PIF1: variants seen among roughly 807,000 people sequenced by gnomAD.
PIF1 encodes PIF1 5'-to-3' DNA helicase, also known as ATP-dependent DNA helicase PIF1.
A neutral mutation model predicts 62.3 loss-of-function variants in PIF1; 67 were observed. That is an observed-to-expected ratio of 1.08 (90% CI 0.88 to 1.32). The LOEUF (loss-of-function observed/expected upper bound fraction) is 1.32. Among genes scored for constraint, PIF1 ranks in the 40% most tolerant of loss-of-function variants. PIF1 has a pLI of 0.00. For synonymous variants in PIF1, 364 were observed against 379.5 expected (o/e 0.96, Z 0.47); for missense variants, 886 against 866.1 (o/e 1.02, Z -0.29).
chr15:64,823,680 C>T, intron 2 of PIF1, 98 bp downstream of exon 2: 1 of 906,940 alleles, frequency 1.1e-6, no homozygotes, highest in Non-Finnish European at 1.5e-6. Context: ...TATCAAATAC[C>T]CACACCGGCT....
intron 10 of PIF1, 79 bp from the exon 11 acceptor site, chr15:64,818,170 C>T: frequency 6.2e-7 from 1 of 1,611,160 alleles, no homozygotes; most frequent in Non-Finnish European, 8.5e-7. Context: ...TTGGAGCTTT[C>T]CTTCCTAGTC....
chr15:64,816,945 C>T (rs1215264721), intron 11 of PIF1, among the ~76,000 whole-genome samples, 180 bp from the exon 12 acceptor site: 1 of 152,166 alleles, frequency 6.6e-6, no homozygotes, highest in Non-Finnish European at 1.5e-5. Context: ...GACCGGGAGA[C>T]AGATCCAGGT....
At chr15:64,822,684 G>A (rs2084308858) in intron 2 of PIF1, 74 bp from the exon 3 acceptor site, 27 of 1,586,330 alleles carry the variant, frequency 1.7e-5, no homozygotes, top group Non-Finnish European at 2.2e-5. Context: ...TGGCCCATGT[G>A]CAATGCTGGG....
Position 64,816,853 on chromosome 15 carries a change from C to T in PIF1, c.1675-88G>A, listed in dbSNP as rs977958222. ...TGACCCTTTACCAGCCCTGCTACTG[C>T]CCCTGGATCTCCTCGTCCAGTCCAG... On this transcript the variant is annotated intron_variant, in intron 11 of 12. Transcript: ENST00000559239. 5 of 1,240,674 alleles carry T rather than the reference C, an allele frequency of 4.0e-6. No individual in the cohort carries two copies. The South Asian group carries it at 7.9e-5, about 20-fold the overall frequency. 76.9% of individuals were successfully genotyped at this position (1,240,674 alleles called of 1,614,324 possible). A position where few individuals can be genotyped will look rare whatever the true frequency, so the allele number is the denominator to read the frequency against.
At chr15:64,826,878 C>T (rs530547143), upstream of PIF1, among the ~76,000 whole-genome samples, 3 of 151,296 alleles carry the variant, frequency 2.0e-5, no homozygotes, top group East Asian at 2.0e-4. Flanking sequence ...GGCATGAGCC[C>T]GGACCTTATT....
Position 64,822,248 on chromosome 15 carries a change from CT to C in PIF1, c.817+17del. 6.2e-7 allele frequency: 1 copy of C among 1,608,786 alleles called. No individual in the cohort carries two copies. Among genetic ancestry groups the C allele is most frequent in the Non-Finnish European group, 8.5e-7 (1 of 1,178,488 alleles). ...GCTGGGCTTGCTCTTAGCTCAAGCC[CT>C]AGGGGTTCCTACTTACCTGCAAAGG... On this transcript the variant is annotated intron_variant, in intron 4 of 12. Transcript: ENST00000559239.
At chr15:64,826,667 C>CAGAT (rs1315075229), upstream of PIF1, among the ~76,000 whole-genome samples, 11 of 66,568 alleles carry the variant, frequency 1.7e-4, no homozygotes, top group Non-Finnish European at 2.9e-4. Flanking sequence ...TATATATATA[C>CAGAT]ACACACACAC....
At chr15:64,820,912 C>G (rs1298223006) in intron 7 of PIF1, 70 bp downstream of exon 7, 4 of 1,366,692 alleles carry the variant, frequency 2.9e-6, no homozygotes, top group Non-Finnish European at 3.1e-6. Flanking sequence ...GTGAGTCCCT[C>G]TCTGTGTTCC....
At position 64,824,105 on chromosome 15, in the gene PIF1, G is replaced by T. The variant is rs184599780; in HGVS notation, c.231C>A (p.Phe77Leu). 1.6e-6 allele frequency: 2 copies of T among 1,268,930 alleles called. No individual in the cohort carries two copies. The highest frequency in any genetic ancestry group is 6.4e-5 in the East Asian group (2 of 31,312). 78.6% of individuals were successfully genotyped at this position (1,268,930 alleles called of 1,614,324 possible). Residue 77 changes from phenylalanine (F) to leucine (L), a missense_variant, in exon 2 of 13, where the codon TTC (phenylalanine) becomes TTA (leucine). By Grantham distance (22) the Phe-to-Leu change is conservative. Coordinates refer to ENST00000559239, the MANE Select transcript of PIF1 (RefSeq NM_001286496.2). ...TGCGCCCGGCCTCGGCGAAACGCGTGAAGAGGCGCGCGGCGCGCAGAGGAA... is the reference window on the plus strand; with the variant it reads ...TGCGCCCGGCCTCGGCGAAACGCGTTAAGAGGCGCGCGGCGCGCAGAGGAA... ...RCFPLRAARL[F>L]TRFAEAGRST...
Position 64,821,082 on chromosome 15 carries a change from T to C in PIF1, c.1093A>G (p.Ser365Gly). The C allele has an allele frequency of 6.2e-7, 1 of 1,613,402 alleles. No homozygotes were observed. Among genetic ancestry groups the C allele is most frequent in the Non-Finnish European group, 8.5e-7 (1 of 1,179,660 alleles). ...GTCACTGGCACACACCTCTTCCAGC[T>C]CTTGGACTGGTGGGGGCAGGGTGGG... The part of the protein sequence containing the change: ...QPPRFCFQSK[S>G]WKRCVPVTLE... Residue 365 changes from serine (S) to glycine (G), a missense_variant, in exon 7 of 13, where the codon AGC (serine) becomes GGC (glycine). Transcript: ENST00000559239.
At chr15:64,826,627 TA>T (rs2084370627), upstream of PIF1, among the ~76,000 whole-genome samples, 2 of 11,046 alleles carry the variant, frequency 1.8e-4, no homozygotes, top group South Asian at 2.5e-3. Context: ...AGCTAATTTA[TA>T]TATATATATA....
chr15:64,818,843 T>C, intron 9 of PIF1: 1 of 377,934 alleles, frequency 2.6e-6, no homozygotes, highest in Non-Finnish European at 4.7e-6. Context: ...AGGTATTTCA[T>C]TCCCCATTTT....
At chr15:64,816,805 T>C in intron 11 of PIF1, 40 bp from the exon 12 acceptor site, 3 of 1,532,506 alleles carry the variant, frequency 2.0e-6, no homozygotes, top group Non-Finnish European at 2.6e-6. Context: ...AGCTCAGCCT[T>C]AAGTCCCTTG....
intron 11 of PIF1, 92 bp downstream of exon 11, chr15:64,817,852 ACT>A (rs2084211774): frequency 1.4e-6 from 2 of 1,389,696 alleles, no homozygotes; most frequent in East Asian, 2.5e-5. Context: ...ACAGAGCAAG[ACT>A]CTGTCTCAAA....
At position 64,824,883 on chromosome 15, in the gene PIF1, G is replaced by GTA. The variant is rs1455524475; in HGVS notation, c.-19-531_-19-530dup. Among the ~76,000 whole-genome samples the GTA allele has an allele frequency of 3.3e-3, 488 of 147,254 alleles. 5 individuals are homozygous for GTA. The highest frequency in any genetic ancestry group is 0.01 in the African/African-American group (416 of 39,754). On this transcript the variant is annotated intron_variant, in intron 1 of 12. Coordinates refer to ENST00000559239, the MANE Select transcript of PIF1 (RefSeq NM_001286496.2). ...ATTATATATATGTGTGTGTGTGTGT[G>GTA]TATATATATGTATATATATATATAC...
chr15:64,816,280 T>C lies in PIF1; in HGVS notation c.*18A>G, dbSNP rs8036568. ...GGAGGCCACAGGCCACCCTTTGTCTTCTCTTTGTGGGTGAGGCTCAGAGGA... is the reference window on the plus strand; with the variant it reads ...GGAGGCCACAGGCCACCCTTTGTCTCCTCTTTGTGGGTGAGGCTCAGAGGA... On this transcript the variant is annotated 3_prime_UTR_variant, in exon 13 of 13. Transcript: ENST00000559239. The C allele has an allele frequency of 0.15, 249,895 of 1,613,486 alleles. 30,607 individuals are homozygous for C. The highest frequency in any genetic ancestry group is 0.79 in the East Asian group (35,616 of 44,848).
chr15:64,816,508 G>C (rs7180207), intron 12 of PIF1, 66 bp downstream of exon 12: 677,984 of 1,594,636 alleles, frequency 0.43, 150,509 homozygotes, highest in Non-Finnish European at 0.46. Flanking sequence ...CTGGGCCGGC[G>C]CTCCCTCTGT....
In PIF1 at chr15:64,822,278, G is replaced by T. The variant is rs755702143; in HGVS notation, c.805C>A (p.His269Asn). The T allele has an allele frequency of 1.2e-6, 2 of 1,613,562 alleles. No individual in the cohort carries two copies. The highest frequency in any genetic ancestry group is 2.7e-5 in the African/African-American group (2 of 74,894). The change falls in exon 4 of 13, where the codon CAT (histidine) becomes AAT (asparagine). Residue 269 changes from histidine to asparagine, a missense_variant. His to Asn is a moderately conservative substitution (Grantham distance 68, BLOSUM62 1). Coordinates refer to ENST00000559239, the MANE Select transcript of PIF1 (RefSeq NM_001286496.2). ...AACHIGGTTL[H>N]AFAGIGSGQA... The stretch of plus-strand genomic sequence containing the variant: ...GGTTCCTACTTACCTGCAAAGGCAT[G>T]GAGGGTGGTGCCCCCGATGTGGCAG...
At chr15:64,817,437 C>A (rs772917281) in intron 11 of PIF1, among the ~76,000 whole-genome samples, 1 of 151,612 alleles carries the variant, frequency 6.6e-6, no homozygotes, top group African/African-American at 2.4e-5. Context: ...CCCAGCTACT[C>A]GGGAGGCTGA....
Sources: gnomAD v4.1 joint callset for allele counts (sites outside exome capture counted in the v4.1 genomes callset) on GRCh38, gnomAD v4.1.1 for gene constraint, MANE v1.5 for transcripts, NCBI Gene and HGNC (gene_info 2026-07-23, HGNC 2026-07-21) for gene names.